CHRM4: variants seen among roughly 807,000 people sequenced by gnomAD.
The protein encoded by CHRM4 is muscarinic acetylcholine receptor M4.
A neutral mutation model predicts 26.3 loss-of-function variants in CHRM4; 5 were observed. The ratio of observed to expected loss-of-function variants is 0.19; its 90% CI spans 0.10 to 0.40. The LOEUF (loss-of-function observed/expected upper bound fraction) is 0.40, where lower values mean the gene tolerates loss of function less well. Among genes scored for constraint, CHRM4 ranks in the 10% least tolerant of loss-of-function variants. The pLI, the probability that CHRM4 is intolerant of heterozygous loss-of-function variation, is 1.00. For missense variants in CHRM4, 402 were observed against 664.5 expected (o/e 0.60, Z 4.34); for synonymous variants, 290 against 285.3 (o/e 1.02, Z -0.16).
Position 46,386,095 on chromosome 11 carries a change from C to T in CHRM4, c.463G>A (p.Ala155Thr), listed in dbSNP as rs781520551. ...TTKMAGLMIA[A>T]AWVLSFVLWA... Reference sequence around the variant, plus strand: ...AGCACGAAGGACAGTACCCAGGCAGCAGCAATCATGAGGCCTGCCATCTTG... The same window carrying T: ...AGCACGAAGGACAGTACCCAGGCAGTAGCAATCATGAGGCCTGCCATCTTG... The change falls in exon 2 of 2, where the codon GCT becomes ACT. Residue 155 changes from alanine to threonine, a missense_variant. By Grantham distance (58) the Ala-to-Thr change is moderately conservative. Coordinates refer to ENST00000682254, the MANE Select transcript of CHRM4 (RefSeq NM_000741.5). The surrounding 1 kb of genome is among the most constrained non-coding windows in gnomAD (Gnocchi z 5.8). The T allele has an allele frequency of 6.2e-7, 1 of 1,613,350 alleles. No homozygotes were observed. Among genetic ancestry groups the T allele is most frequent in the Non-Finnish European group, 8.5e-7 (1 of 1,179,716 alleles).
chr11:46,384,980 A>G lies in CHRM4; in HGVS notation c.*138T>C. Reference sequence around the variant, plus strand: ...AGATCTGGTCTCTGAATGCAGCCACAGAGCCTCTTCTGAACTTCCTCCTCA... The same window carrying G: ...AGATCTGGTCTCTGAATGCAGCCACGGAGCCTCTTCTGAACTTCCTCCTCA... On this transcript the variant is annotated 3_prime_UTR_variant, in exon 2 of 2. Coordinates refer to ENST00000682254, the MANE Select transcript of CHRM4 (RefSeq NM_000741.5). 1.0e-5 allele frequency: 13 copies of G among 1,302,912 alleles called. No homozygotes were observed. The highest frequency in any genetic ancestry group is 1.3e-5 in the Non-Finnish European group (13 of 971,564). 80.7% of individuals were successfully genotyped at this position (1,302,912 alleles called of 1,614,324 possible). A position where few individuals can be genotyped will look rare whatever the true frequency, so the allele number is the denominator to read the frequency against.
chr11:46,385,781 G>A lies in CHRM4; in HGVS notation c.777C>T (p.Pro259=), dbSNP rs201791476. 249 of 1,594,706 alleles carry A rather than the reference G, an allele frequency of 1.6e-4. No homozygotes were observed. The highest frequency in any genetic ancestry group is 2.8e-4 in the Admixed American group (16 of 56,670). Reference sequence around the variant, plus strand: ...GCAGCTCCTCCCGGGCGGCCTCCCCGGGCGGGGGCTTCTTGACGCTCTGCT... The same window carrying A: ...GCAGCTCCTCCCGGGCGGCCTCCCCAGGCGGGGGCTTCTTGACGCTCTGCT... ...LMKQSVKKPP[P]GEAAREELRN... Residue 259 remains proline, a synonymous_variant, in exon 2 of 2, where the codon CCC becomes CCT. Transcript: ENST00000682254. This position sits in a 1 kb window ranked among gnomAD's most constrained non-coding sequence, Gnocchi z 6.3.
chr11:46,390,752 G>A (rs1945383753), intron 1 of CHRM4, among the ~76,000 whole-genome samples: 1 of 152,278 alleles, frequency 6.6e-6, no homozygotes, highest in African/African-American at 2.4e-5. Context: ...CCCCTAGCAC[G>A]CAGTTCCTGC....
rs1214958958 is a variant in CHRM4 at position 46,384,930 on chromosome 11, G to A, written c.*188C>T. 3.8e-6 allele frequency: 2 copies of A among 528,096 alleles called. No individual in the cohort carries two copies. Among genetic ancestry groups the A allele is most frequent in the Non-Finnish European group, 4.9e-6 (2 of 412,230 alleles). The allele number at this position is 528,096 out of a possible 1,614,324, so 32.7% of individuals were successfully genotyped here. ...GCAGCCCCAGTTCAGACACTCCCTG[G>A]GGTGAGCCTCCTCAGCCTGAGCAGA... On this transcript the variant is annotated 3_prime_UTR_variant, in exon 2 of 2. Coordinates refer to ENST00000682254, the MANE Select transcript of CHRM4 (RefSeq NM_000741.5).
rs1305842856 is a variant in CHRM4, at chr11:46,385,150, A to G, written c.1408T>C (p.Cys470Arg). ...FKKTFRHLLL[C>R]QYRNIGTAR The stretch of plus-strand genomic sequence containing the variant: ...GCAGTGCCGATGTTCCGATACTGGC[A>G]CAGCAGCAGGTGCCGGAAGGTCTTT... The change falls in exon 2 of 2, where the codon TGC becomes CGC. Residue 470 changes from cysteine to arginine, a missense_variant. Around this residue, in one of 5 missense-constraint regions of CHRM4, gnomAD observed 55 missense variants for 126.4 expected, o/e 0.44. Transcript: ENST00000682254. The surrounding 1 kb of genome is among the most constrained non-coding windows in gnomAD (Gnocchi z 6.3). The G allele has an allele frequency of 6.2e-7, 1 of 1,612,206 alleles. No individual in the cohort carries two copies. The highest frequency in any genetic ancestry group is 8.5e-7 in the Non-Finnish European group (1 of 1,178,572).
chr11:46,389,510 C>G (rs1171408816), intron 1 of CHRM4, among the ~76,000 whole-genome samples: 1 of 152,248 alleles, frequency 6.6e-6, no homozygotes, highest in Non-Finnish European at 1.5e-5. Context: ...TCCCTGGAAT[C>G]CAGATACGCC....
Position 46,387,544 on chromosome 11 carries a change from CA to C in CHRM4, c.-29-959del, listed in dbSNP as rs1417639837. Among the ~76,000 whole-genome samples the C allele has an allele frequency of 2.6e-5, 4 of 152,174 alleles. No individual in the cohort carries two copies. The East Asian group carries it at 7.7e-4, about 29-fold the overall frequency. On this transcript the variant is annotated intron_variant, in intron 1 of 1. Transcript: ENST00000682254. The stretch of plus-strand genomic sequence containing the variant: ...GGCACGGAGCTGTTAAAAGCCTGAC[CA>C]AGGTTTCACGGCTTCTTGCACTATG...
chr11:46,391,562 T>A lies in CHRM4; in HGVS notation c.-61A>T, dbSNP rs1371321244. 6.6e-6 allele frequency among the ~76,000 whole-genome samples: 1 copy of A among 151,806 alleles called. No individual in the cohort carries two copies. The highest frequency in any genetic ancestry group is 1.5e-5 in the Non-Finnish European group (1 of 67,886). Reference sequence around the variant, plus strand: ...GGAGCCTCAGAGCGTCCCGGGGACCTGCTTCCTGCTCTTCCCGGCGAGCCC... The same window carrying A: ...GGAGCCTCAGAGCGTCCCGGGGACCAGCTTCCTGCTCTTCCCGGCGAGCCC... On this transcript the variant is annotated 5_prime_UTR_variant, in exon 1 of 2. Transcript: ENST00000682254. This position sits in a 1 kb window ranked among gnomAD's most constrained non-coding sequence, Gnocchi z 6.3.
chr11:46,385,141 G>A lies in CHRM4; in HGVS notation c.1417C>T (p.Arg473Trp), dbSNP rs201602666. The A allele has an allele frequency of 8.1e-6, 13 of 1,611,020 alleles. No homozygotes were observed. The highest frequency in any genetic ancestry group is 1.7e-5 in the Admixed American group (1 of 59,982). ...GCCTACCTGGCAGTGCCGATGTTCC[G>A]ATACTGGCACAGCAGCAGGTGCCGG... ...TFRHLLLCQY[R>W]NIGTAR The change falls in exon 2 of 2, where the codon CGG (arginine) becomes TGG (tryptophan). Residue 473 changes from arginine to tryptophan, a missense_variant. Around this residue, in one of 5 missense-constraint regions of CHRM4, gnomAD observed 55 missense variants for 126.4 expected, o/e 0.44. Coordinates refer to ENST00000682254, the MANE Select transcript of CHRM4 (RefSeq NM_000741.5). This position sits in a 1 kb window ranked among gnomAD's most constrained non-coding sequence, Gnocchi z 6.3.
intron 1 of CHRM4, among the ~76,000 whole-genome samples, chr11:46,389,698 G>T (rs1413234647): frequency 1.3e-5 from 2 of 152,188 alleles, no homozygotes; most frequent in Non-Finnish European, 1.5e-5. Context: ...GGGAAGTGAC[G>T]CGGGGTCCCC....
In CHRM4 at chr11:46,385,472, G is replaced by C; in HGVS notation, c.1086C>G (p.Ala362=). The change falls in exon 2 of 2, where the codon GCC becomes GCG. Residue 362 remains alanine, a synonymous_variant. Transcript: ENST00000682254. This position sits in a 1 kb window ranked among gnomAD's most constrained non-coding sequence, Gnocchi z 6.3. ...ECVTAIEIVP[A]TPAGMRPAAN... is the part of the protein sequence containing the mutation. ...CCGCAGGGCGCATGCCAGCCGGCGT[G>C]GCAGGCACAATCTCAATGGCTGTCA... 1 of 1,600,240 alleles carries C rather than the reference G, an allele frequency of 6.2e-7. No homozygotes were observed. Among genetic ancestry groups the C allele is most frequent in the Non-Finnish European group, 8.6e-7 (1 of 1,168,856 alleles).
At position 46,385,757 on chromosome 11, in the gene CHRM4, C is replaced by A. The variant is rs1418191126; in HGVS notation, c.801G>T (p.Leu267=). Residue 267 remains leucine (L), a synonymous_variant, in exon 2 of 2, where the codon CTG becomes CTT. Coordinates refer to ENST00000682254, the MANE Select transcript of CHRM4 (RefSeq NM_000741.5). This position sits in a 1 kb window ranked among gnomAD's most constrained non-coding sequence, Gnocchi z 6.3. ...PPPGEAAREE[L]RNGKLEEAPP... ...GGGCCTCCTCCAGCTTGCCATTGCG[C>A]AGCTCCTCCCGGGCGGCCTCCCCGG... 1 of 1,596,524 alleles carries A rather than the reference C, an allele frequency of 6.3e-7. No homozygotes were observed. Among genetic ancestry groups the A allele is most frequent in the Non-Finnish European group, 8.5e-7 (1 of 1,171,078 alleles).
In CHRM4 at chr11:46,386,001, A is replaced by G; in HGVS notation, c.557T>C (p.Phe186Ser). The change falls in exon 2 of 2, where the codon TTC (phenylalanine) becomes TCC (serine). Residue 186 changes from phenylalanine (F) to serine (S), a missense_variant. This residue lies in a region of CHRM4 where 48 missense variants were observed against 129.1 expected (regional missense o/e 0.37). Coordinates refer to ENST00000682254, the MANE Select transcript of CHRM4 (RefSeq NM_000741.5). The surrounding 1 kb of genome is among the most constrained non-coding windows in gnomAD (Gnocchi z 5.8). ...TGCTGGGTTGGACAGGAACTGGATG[A>G]AGCACTGGTTGTCGGGCACCGTCCG... ...GKRTVPDNQC[F>S]IQFLSNPAVT... The G allele has an allele frequency of 6.2e-7, 1 of 1,613,164 alleles. No homozygotes were observed. The highest frequency in any genetic ancestry group is 8.5e-7 in the Non-Finnish European group (1 of 1,179,808).
chr11:46,387,048 A>G (rs887133937), intron 1 of CHRM4, among the ~76,000 whole-genome samples: 2 of 143,736 alleles, frequency 1.4e-5, no homozygotes, highest in African/African-American at 2.4e-5. Flanking sequence ...AGGCCTGGAC[A>G]GAGGCCAGTG....
chr11:46,384,485 G>C lies in CHRM4; in HGVS notation c.*633C>G, dbSNP rs577672916. Among the ~76,000 whole-genome samples, 1 of 152,346 alleles carries C rather than the reference G, an allele frequency of 6.6e-6. No homozygotes were observed. On this transcript the variant is annotated 3_prime_UTR_variant, in exon 2 of 2. Transcript: ENST00000682254. Reference sequence around the variant, plus strand: ...CGCAGAAGGCCAGACCTCAGTTCCTGAGACAGAACCTCTGACCTCCCAGCT... The same window carrying C: ...CGCAGAAGGCCAGACCTCAGTTCCTCAGACAGAACCTCTGACCTCCCAGCT...
intron 1 of CHRM4, among the ~76,000 whole-genome samples, chr11:46,388,318 T>G (rs1003161715): frequency 1.3e-5 from 2 of 152,250 alleles, no homozygotes; most frequent in Non-Finnish European, 2.9e-5. Flanking sequence ...GACGATCCAC[T>G]GCCCCTTCCT....
intron 1 of CHRM4, among the ~76,000 whole-genome samples, chr11:46,387,942 AGTCCACTCCGCACACCG>A (rs1945357982): frequency 6.6e-6 from 1 of 152,202 alleles, no homozygotes; most frequent in Admixed American, 6.5e-5. Context: ...TCCCCTCCAC[AGTCCACTCCGCACACCG>A]GGCGGCGCCC....
rs931621491 is a variant in CHRM4, at chr11:46,391,402, C to A, written c.-30+129G>T. On this transcript the variant is annotated intron_variant, in intron 1 of 1. Transcript: ENST00000682254. This position sits in a 1 kb window ranked among gnomAD's most constrained non-coding sequence, Gnocchi z 6.3. ...ACCCCTTCCCACGGGCGCACCCGGG[C>A]GCACCTGGAGAAGCCTCCGAGAGCC... is the stretch of plus-strand genomic sequence containing the variant. Among the ~76,000 whole-genome samples the A allele has an allele frequency of 1.3e-5, 2 of 151,994 alleles. No individual in the cohort carries two copies. Among genetic ancestry groups the A allele is most frequent in the Non-Finnish European group, 2.9e-5 (2 of 67,930 alleles).
Position 46,386,132 on chromosome 11 carries a change from G to T in CHRM4, c.426C>A (p.Ala142=). 6.2e-7 allele frequency: 1 copy of T among 1,609,726 alleles called. No individual in the cohort carries two copies. Residue 142 remains alanine, a synonymous_variant, in exon 2 of 2, where the codon GCC becomes GCA. Coordinates refer to ENST00000682254, the MANE Select transcript of CHRM4 (RefSeq NM_000741.5). This position sits in a 1 kb window ranked among gnomAD's most constrained non-coding sequence, Gnocchi z 5.8. ...GGCCTGCCATCTTGGTGGTGCGCCG[G>T]GCAGGGTAGGTGAGAGGCTTGGTGA... ...FCVTKPLTYP[A]RRTTKMAGLM... is the part of the protein sequence containing the mutation.
Sources: allele counts gnomAD v4.1 joint callset (sites outside exome capture counted in the v4.1 genomes callset), GRCh38; gene constraint gnomAD v4.1.1; regional missense constraint gnomAD v4.1.1; non-coding constraint Gnocchi (gnomAD v3.1); transcripts MANE v1.5; gene names NCBI Gene and HGNC (gene_info 2026-07-23, HGNC 2026-07-21).